Variants in ITGA2 observed in about 807,000 individuals in gnomAD.
ITGA2 encodes integrin alpha-2.
ITGA2 carries 101 observed loss-of-function variants against 146.3 expected under a neutral mutation model. The observed-to-expected ratio is 0.69, with a 90% CI of 0.59 to 0.81. The LOEUF (loss-of-function observed/expected upper bound fraction) is 0.81, where lower values mean the gene tolerates loss of function less well. Ranked by LOEUF, ITGA2 falls within the 40% of genes least tolerant of loss-of-function variation. ITGA2 has a pLI of 0.00. For missense variants in ITGA2, 1,281 were observed against 1,402.7 expected, an observed-to-expected ratio of 0.91 and a Z score of 1.39; for synonymous variants, 477 against 487.1, an observed-to-expected ratio of 0.98 and a Z score of 0.27.
chr5:53,048,575 C>T (rs547370002), intron 5 of ITGA2, 68 bp from the exon 6 acceptor site: 1 of 1,612,544 alleles, frequency 6.2e-7, no homozygotes, highest in African/African-American at 1.3e-5. Context: ...CCTTAAGTCT[C>T]ATTTTTATAT....
At chr5:53,053,825 C>T (rs1744503054) in intron 7 of ITGA2, among the ~76,000 whole-genome samples, 1 of 152,128 alleles carries the variant, frequency 6.6e-6, no homozygotes, top group African/African-American at 2.4e-5. Context: ...GAAATTATTT[C>T]AGTAATTGTT....
At chr5:53,051,298 C>T in intron 6 of ITGA2, 113 bp from the exon 7 acceptor site, 1 of 1,118,132 alleles carries the variant, frequency 8.9e-7, no homozygotes, top group Non-Finnish European at 1.3e-6. Flanking sequence ...GAAGTGATGC[C>T]TTAAAGCTAC....
At chr5:53,014,810 G>A (rs927890742) in intron 1 of ITGA2, among the ~76,000 whole-genome samples, 3 of 151,734 alleles carry the variant, frequency 2.0e-5, no homozygotes, top group Non-Finnish European at 4.4e-5. Context: ...CAGTTTCTTT[G>A]TGGTTCAATA....
chr5:53,008,189 G>A (rs1416664720), intron 1 of ITGA2, among the ~76,000 whole-genome samples: 1 of 151,616 alleles, frequency 6.6e-6, no homozygotes, highest in Non-Finnish European at 1.5e-5. Context: ...GCTCTCTCAG[G>A]TTGGTGTTGG....
At chr5:53,074,339 A>G (rs746578758) in intron 20 of ITGA2, 46 bp from the exon 21 acceptor site, 4 of 1,492,606 alleles carry the variant, frequency 2.7e-6, no homozygotes, top group Non-Finnish European at 3.7e-6. Context: ...ACACACACAA[A>G]TGTTGTATGC....
chr5:53,001,858 G>A (rs866194634), intron 1 of ITGA2, among the ~76,000 whole-genome samples: 5 of 148,582 alleles, frequency 3.4e-5, no homozygotes, highest in African/African-American at 4.9e-5. Context: ...GTCTGCCTGA[G>A]TCATTTCTCT....
intron 1 of ITGA2, among the ~76,000 whole-genome samples, chr5:53,004,911 T>G (rs1280221024): frequency 1.1e-4 from 11 of 97,390 alleles, no homozygotes; most frequent in South Asian, 3.8e-4. Context: ...TTTTTTTTTT[T>G]TTTTTTTTTT....
intron 16 of ITGA2, among the ~76,000 whole-genome samples, chr5:53,069,154 C>T (rs1745272678): frequency 1.3e-5 from 2 of 151,738 alleles, no homozygotes; most frequent in South Asian, 2.1e-4. Flanking sequence ...AGAATAACCC[C>T]AAATAAGGCA....
chr5:53,081,577 GTTC>G lies in ITGA2; in HGVS notation c.3040-9_3040-7del, dbSNP rs1334340373. ...TTTTGCTTCTGAAGTCTGATCGGGT[GTTC>G]TTCTTTTATAGGCTGGTGACATCAG... On this transcript the variant is annotated splice_polypyrimidine_tract_variant and intron_variant, in intron 25 of 29. Coordinates refer to ENST00000296585, the MANE Select transcript of ITGA2 (RefSeq NM_002203.4). 5.7e-6 allele frequency: 9 copies of G among 1,585,292 alleles called. No individual in the cohort carries two copies. The highest frequency in any genetic ancestry group is 1.7e-5 in the Admixed American group (1 of 59,780).
intron 6 of ITGA2, among the ~76,000 whole-genome samples, 197 bp downstream of exon 6, chr5:53,048,967 T>A (rs1218856564): frequency 6.6e-6 from 1 of 152,160 alleles, no homozygotes; most frequent in Non-Finnish European, 1.5e-5. Flanking sequence ...TCTTTTGACC[T>A]TAGAGTTCTA....
At chr5:52,998,844 G>A (rs1741421474) in intron 1 of ITGA2, among the ~76,000 whole-genome samples, 1 of 152,128 alleles carries the variant, frequency 6.6e-6, no homozygotes, top group Non-Finnish European at 1.5e-5. Context: ...ACTGTAAGGG[G>A]ATTAAAGACA....
Position 53,081,591 on chromosome 5 carries a change from G to C in ITGA2, c.3040-1G>C. 1 of 1,606,788 alleles carries C rather than the reference G, an allele frequency of 6.2e-7. No individual in the cohort carries two copies. The highest frequency in any genetic ancestry group is 8.5e-7 in the Non-Finnish European group (1 of 1,174,800). On this transcript the variant is annotated splice_acceptor_variant, in intron 25 of 29. Coordinates refer to ENST00000296585, the MANE Select transcript of ITGA2 (RefSeq NM_002203.4). LOFTEE classifies it high-confidence loss of function. ...TCTGATCGGGTGTTCTTCTTTTATA[G>C]GCTGGTGACATCAGTTGTAATGCAG...
chr5:53,040,789 T>C (rs776503569), intron 2 of ITGA2, among the ~76,000 whole-genome samples: 30 of 152,324 alleles, frequency 2.0e-4, no homozygotes, highest in Admixed American at 3.9e-4. Flanking sequence ...CATTTTCCTT[T>C]TTCCCTAAGT....
rs1026574037 is a variant in ITGA2, at chr5:53,086,470, A to T, written c.3259-482A>T. Among the ~76,000 whole-genome samples, 22 of 152,282 alleles carry T rather than the reference A, an allele frequency of 1.4e-4. 1 individual carries two copies. Among genetic ancestry groups the T allele is most frequent in the Admixed American group, 2.0e-4 (3 of 15,296 alleles). On this transcript the variant is annotated intron_variant, in intron 27 of 29. Coordinates refer to ENST00000296585, the MANE Select transcript of ITGA2 (RefSeq NM_002203.4). Reference sequence around the variant, plus strand: ...TTTACACACATGTACCCAGAAGGAAAGTTCTCTTACCTTTTAAATGTTGGT... The same window carrying T: ...TTTACACACATGTACCCAGAAGGAATGTTCTCTTACCTTTTAAATGTTGGT...
Position 53,093,912 on chromosome 5 carries a change from CTG to C in ITGA2, c.*3314_*3315del, listed in dbSNP as rs1434429204. On this transcript the variant is annotated 3_prime_UTR_variant, in exon 30 of 30. Coordinates refer to ENST00000296585, the MANE Select transcript of ITGA2 (RefSeq NM_002203.4). ...TCAGCAGCAAAATAAGAACTCCTAA[CTG>C]AACAGAAATTTTTCTACCTAGCAAT... is the stretch of plus-strand genomic sequence containing the variant. 1 of 152,554 alleles carries C rather than the reference CTG, an allele frequency of 6.6e-6. No individual in the cohort carries two copies. Among genetic ancestry groups the C allele is most frequent in the Non-Finnish European group, 1.5e-5 (1 of 68,008 alleles). 9.5% of individuals were successfully genotyped at this position (152,554 alleles called of 1,614,324 possible).
At chr5:53,008,946 C>G (rs572793861) in intron 1 of ITGA2, among the ~76,000 whole-genome samples, 2 of 152,244 alleles carry the variant, frequency 1.3e-5, no homozygotes, top group Admixed American at 1.3e-4. Context: ...CAGCAGGCAG[C>G]ACGAGTATGA....
At position 53,092,352 on chromosome 5, in the gene ITGA2, C is replaced by G. The variant is rs1372244784; in HGVS notation, c.*1753C>G. 1 of 151,590 alleles carries G rather than the reference C, an allele frequency of 6.6e-6. No homozygotes were observed. Among genetic ancestry groups the G allele is most frequent in the African/African-American group, 2.4e-5 (1 of 41,356 alleles). The allele number at this position is 151,590 out of a possible 1,614,324, so 9.4% of individuals were successfully genotyped here. ...AATACACAATCCTCCAAGAATTTGA[C>G]TTGGAAAAAAATGTCAAAGGAAAAC... On this transcript the variant is annotated 3_prime_UTR_variant, in exon 30 of 30. Coordinates refer to ENST00000296585, the MANE Select transcript of ITGA2 (RefSeq NM_002203.4).
intron 27 of ITGA2, among the ~76,000 whole-genome samples, chr5:53,085,922 TC>T: frequency 6.6e-6 from 1 of 152,116 alleles, no homozygotes; most frequent in South Asian, 2.1e-4. Flanking sequence ...CTTTTTTTTT[TC>T]CCCCAGACAG....
chr5:53,049,362 C>A (rs1419806272), intron 6 of ITGA2, among the ~76,000 whole-genome samples: 2 of 152,080 alleles, frequency 1.3e-5, no homozygotes, highest in African/African-American at 4.8e-5. Flanking sequence ...CCCTTCTAAC[C>A]CATGAGTTAC....
Sources: gnomAD v4.1 joint callset for allele counts (sites outside exome capture counted in the v4.1 genomes callset) on GRCh38, gnomAD v4.1.1 for gene constraint, MANE v1.5 for transcripts, NCBI Gene and HGNC (gene_info 2026-07-23, HGNC 2026-07-21) for gene names.